Variants in PRH1 observed in about 807,000 individuals in gnomAD.
PRH1 encodes proline rich protein HaeIII subfamily 1.
Under a neutral mutation model 7.9 loss-of-function variants are expected in PRH1, and 7 were observed. The observed-to-expected ratio is 0.89, with a 90% CI of 0.50 to 1.67. The LOEUF (loss-of-function observed/expected upper bound fraction) is 1.67, where lower values mean the gene tolerates loss of function less well. Ranked by LOEUF, PRH1 falls within the 40% of genes most tolerant of loss-of-function variation. The pLI, the probability that PRH1 is intolerant of heterozygous loss-of-function variation, is 0.00. For synonymous variants in PRH1, 45 were observed against 80.8 expected, an observed-to-expected ratio of 0.56 and a Z score of 2.38; for missense variants, 109 against 223.6, an observed-to-expected ratio of 0.49 and a Z score of 3.27.
intron 1 of PRH1, among the ~76,000 whole-genome samples, chr12:10,993,441 T>C (rs753341879): frequency 2.0e-5 from 3 of 152,104 alleles, no homozygotes; most frequent in Non-Finnish European, 4.4e-5. Flanking sequence ...TACCATAACA[T>C]TGAACAGAAC....
chr12:10,944,793 CT>C (rs1950460371), intron 2 of PRH1, among the ~76,000 whole-genome samples: 1 of 152,062 alleles, frequency 6.6e-6, no homozygotes, highest in African/African-American at 2.4e-5. Context: ...TATCAAAAGC[CT>C]TTTCTGCATT....
chr12:10,984,988 A>C (rs538943898), intron 1 of PRH1, among the ~76,000 whole-genome samples: 45 of 152,148 alleles, frequency 3.0e-4, no homozygotes, highest in African/African-American at 1.0e-3. Context: ...GGAAGACTCA[A>C]GTTCTTTTAT....
At chr12:11,025,228 C>T (rs190396032) in intron 1 of PRH1, among the ~76,000 whole-genome samples, 33 of 152,204 alleles carry the variant, frequency 2.2e-4, no homozygotes, top group Non-Finnish European at 4.4e-4. Flanking sequence ...CCGTGTTAGC[C>T]AGCATGGATT....
upstream of PRH1, among the ~76,000 whole-genome samples, chr12:11,050,512 G>T (rs1943099234): frequency 6.6e-6 from 1 of 152,250 alleles, no homozygotes; most frequent in African/African-American, 2.4e-5. Context: ...ACATGTCACA[G>T]TGCTGCAGAG....
At chr12:10,955,938 G>A (rs906266431) in intron 2 of PRH1, among the ~76,000 whole-genome samples, 2 of 151,372 alleles carry the variant, frequency 1.3e-5, no homozygotes, top group African/African-American at 4.9e-5. Flanking sequence ...GTAATAAAAA[G>A]CCTACCAGAC....
intron 1 of PRH1, among the ~76,000 whole-genome samples, chr12:10,987,890 A>T (rs1939732211): frequency 6.6e-6 from 1 of 152,102 alleles, no homozygotes; most frequent in Admixed American, 6.5e-5. Flanking sequence ...CAGGTTGATT[A>T]TCTGTCCCCT....
intron 1 of PRH1, chr12:10,987,024 T>C (rs1939677871): frequency 2.1e-6 from 1 of 478,000 alleles, no homozygotes; most frequent in South Asian, 5.9e-5. Flanking sequence ...AAGTACCAGC[T>C]TATGCTAATG....
intron 2 of PRH1, among the ~76,000 whole-genome samples, chr12:10,923,149 G>C (rs1304893202): frequency 7.4e-6 from 1 of 135,440 alleles, no homozygotes; most frequent in East Asian, 2.2e-4. Context: ...TTTTGAGACA[G>C]AGTTTTGCTC....
intron 1 of PRH1, among the ~76,000 whole-genome samples, chr12:11,073,499 C>G (rs1944169623): frequency 6.6e-6 from 1 of 150,424 alleles, no homozygotes. Flanking sequence ...AAAAGAGAAG[C>G]ACAGTGTTTA....
chr12:10,938,708 G>A (rs1356632730), intron 2 of PRH1: 1 of 1,613,872 alleles, frequency 6.2e-7, no homozygotes, highest in East Asian at 2.2e-5. Context: ...ACTTGAATCA[G>A]AACTGCAAGT....
intron 2 of PRH1, chr12:10,939,156 T>TA: frequency 6.2e-7 from 1 of 1,601,830 alleles, no homozygotes; most frequent in Non-Finnish European, 8.5e-7. Context: ...TTTCCAATTA[T>TA]AAATTCCACA....
intron 2 of PRH1, among the ~76,000 whole-genome samples, chr12:10,944,654 C>T (rs1950458159): frequency 6.6e-6 from 1 of 152,138 alleles, no homozygotes; most frequent in Admixed American, 6.5e-5. Flanking sequence ...AAGAGGAATG[C>T]TTCCAGCTTT....
intron 1 of PRH1, among the ~76,000 whole-genome samples, chr12:11,015,305 C>T (rs1015927528): frequency 2.6e-5 from 4 of 152,282 alleles, no homozygotes; most frequent in African/African-American, 9.6e-5. Context: ...AGTATACCAA[C>T]ATATAAAACC....
At chr12:11,101,202 T>C (rs944116350) in intron 1 of PRH1, among the ~76,000 whole-genome samples, 3 of 152,138 alleles carry the variant, frequency 2.0e-5, no homozygotes, top group African/African-American at 7.2e-5. Flanking sequence ...TTAAGTAATG[T>C]TTTGGGCCAG....
intron 1 of PRH1, among the ~76,000 whole-genome samples, chr12:11,011,009 C>T (rs1385155412): frequency 6.6e-6 from 1 of 151,794 alleles, no homozygotes; most frequent in Admixed American, 6.6e-5. Flanking sequence ...TAGTTTGTAG[C>T]ATATTGTAAG....
chr12:11,091,786 G>A lies in PRH1; in HGVS notation n.124-44598C>T. 2.8e-6 allele frequency: 4 copies of A among 1,433,890 alleles called. 1 individual carries two copies. Among genetic ancestry groups the A allele is most frequent in the Non-Finnish European group, 3.9e-6 (4 of 1,019,974 alleles). 88.8% of individuals were successfully genotyped at this position (1,433,890 alleles called of 1,614,324 possible). Reference sequence around the variant, plus strand: ...CTTTTGTCCGCACAATCTCATTCATGTTTATCACAAAAAGATGACAAGCCA... The same window carrying A: ...CTTTTGTCCGCACAATCTCATTCATATTTATCACAAAAAGATGACAAGCCA... On this transcript the variant is annotated intron_variant and non_coding_transcript_variant, in intron 1 of 4. Coordinates refer to the PRH1 transcript ENST00000541977.
At chr12:11,100,820 C>T (rs1945215786) in intron 1 of PRH1, among the ~76,000 whole-genome samples, 1 of 152,086 alleles carries the variant, frequency 6.6e-6, no homozygotes. Context: ...AAAAATTTGC[C>T]TTTCTATGAT....
At chr12:11,043,621 ATT>A (rs752980650) in intron 1 of PRH1, among the ~76,000 whole-genome samples, 1 of 151,806 alleles carries the variant, frequency 6.6e-6, no homozygotes, top group Non-Finnish European at 1.5e-5. Context: ...TAACATAAAA[ATT>A]AGTAGTATTT....
chr12:10,938,469 A>C, intron 2 of PRH1: 1 of 1,614,114 alleles, frequency 6.2e-7, no homozygotes, highest in Non-Finnish European at 8.5e-7. Context: ...GATATGAAAA[A>C]AGACAGAGAG....
Sources: gnomAD v4.1 joint callset for allele counts (sites outside exome capture counted in the v4.1 genomes callset) on GRCh38, gnomAD v4.1.1 for gene constraint, MANE v1.5 for transcripts, NCBI Gene and HGNC (gene_info 2026-07-23, HGNC 2026-07-21) for gene names.